ANTXRL: variants seen among roughly 807,000 people sequenced by gnomAD.
ANTXRL encodes the protein ANTXR like.
Under a neutral mutation model 75.4 loss-of-function variants are expected in ANTXRL, and 63 were observed. That is an observed-to-expected ratio of 0.84 (90% CI 0.68 to 1.03). The LOEUF (loss-of-function observed/expected upper bound fraction) is 1.03. Ranked by LOEUF, ANTXRL falls within the 50% of genes least tolerant of loss-of-function variation. The probability of loss-of-function intolerance (pLI) is 0.00; values close to 1 mark genes in which losing one functional copy is unlikely to be tolerated. For missense variants in ANTXRL, 797 were observed against 789.4 expected (o/e 1.01, Z -0.12); for synonymous variants, 335 against 291.3 (o/e 1.15, Z -1.53).
chr10:46,310,336 G>C (rs1396942814), intron 13 of ANTXRL, 125 bp from the exon 14 acceptor site: 7 of 910,066 alleles, frequency 7.7e-6, no homozygotes, highest in Non-Finnish European at 1.2e-5. Flanking sequence ...AGGGTGGCCA[G>C]AGTGACACCC....
At chr10:46,296,453 G>A (rs1469569212) in intron 5 of ANTXRL, among the ~76,000 whole-genome samples, 6 of 152,174 alleles carry the variant, frequency 3.9e-5, no homozygotes, top group Admixed American at 1.3e-4. Context: ...TGAGAACTGT[G>A]TGGGATCCTG....
rs1588879325 is a variant in ANTXRL, at chr10:46,329,536, C to A, written c.1411-63C>A. The stretch of plus-strand genomic sequence containing the variant: ...CCCATCCCTTTGAGCCAGGCAACCG[C>A]AGCCTTCTGAGCCCAGTTCGAATGC... On this transcript the variant is annotated intron_variant, in intron 16 of 16. Transcript: ENST00000620264. The A allele has an allele frequency of 3.3e-6, 5 of 1,500,918 alleles. No individual in the cohort carries two copies. The East Asian group carries it at 1.2e-4, about 37-fold the overall frequency. 93.0% of individuals were successfully genotyped at this position (1,500,918 alleles called of 1,614,324 possible).
At chr10:46,313,201 C>T (rs1554963927) in intron 15 of ANTXRL, 35 bp from the exon 16 acceptor site, 1 of 1,522,848 alleles carries the variant, frequency 6.6e-7, no homozygotes. Context: ...AGTGTCCAAG[C>T]TGCATGTCTT....
At chr10:46,325,667 C>A (rs1488888098) in intron 16 of ANTXRL, among the ~76,000 whole-genome samples, 3 of 152,162 alleles carry the variant, frequency 2.0e-5, no homozygotes, top group African/African-American at 7.2e-5. Context: ...AACAGTGTTT[C>A]TAAGCAAGTT....
chr10:46,292,377 G>A (rs1349397956), intron 2 of ANTXRL, among the ~76,000 whole-genome samples: 1 of 152,126 alleles, frequency 6.6e-6, no homozygotes, highest in Non-Finnish European at 1.5e-5. Flanking sequence ...TGCCCTTGGG[G>A]ACATCACACG....
chr10:46,301,921 C>T (rs1304284691), intron 9 of ANTXRL, among the ~76,000 whole-genome samples: 22 of 152,298 alleles, frequency 1.4e-4, no homozygotes, highest in Non-Finnish European at 2.4e-4. Flanking sequence ...TGCAGACCTG[C>T]GGGAACCCTG....
rs782531267 is a variant in ANTXRL at position 46,311,647 on chromosome 10, C to A, written c.1311C>A (p.Gly437=). The part of the protein sequence containing the change: ...IICCCGCQGV[G]GMRRIEGNLD... ...GTTGCTGTGGATGCCAAGGAGTGGG[C>A]GGGATGAGAAGGATAGAGGTGAGAA... Residue 437 remains glycine (G), a synonymous_variant, in exon 15 of 17, where the codon GGC becomes GGA. Transcript: ENST00000620264. 15 of 1,165,610 alleles carry A rather than the reference C, an allele frequency of 1.3e-5. No individual in the cohort carries two copies. Among genetic ancestry groups the A allele is most frequent in the Admixed American group, 4.0e-5 (2 of 50,442 alleles). 72.2% of individuals were successfully genotyped at this position (1,165,610 alleles called of 1,614,324 possible). A position where few individuals can be genotyped will look rare whatever the true frequency, so the allele number is the denominator to read the frequency against.
At position 46,307,959 on chromosome 10, in the gene ANTXRL, G is replaced by A. The variant is rs532753312; in HGVS notation, c.1044+479G>A. Among the ~76,000 whole-genome samples, 366 of 152,232 alleles carry A rather than the reference G, an allele frequency of 2.4e-3. 1 individual carries two copies. Among genetic ancestry groups the A allele is most frequent in the Non-Finnish European group, 4.3e-3 (294 of 68,014 alleles). ...TATGTCCCCTCCTGCTGCTGAAGGGGAGGCTCTCAGGCACTCGGACCCGAG... is the reference window on the plus strand; with the variant it reads ...TATGTCCCCTCCTGCTGCTGAAGGGAAGGCTCTCAGGCACTCGGACCCGAG... On this transcript the variant is annotated intron_variant, in intron 12 of 16. Transcript: ENST00000620264.
chr10:46,293,828 G>T lies in ANTXRL; in HGVS notation c.321-1G>T. The T allele has an allele frequency of 6.5e-7, 1 of 1,535,538 alleles. No individual in the cohort carries two copies. The highest frequency in any genetic ancestry group is 8.7e-7 in the Non-Finnish European group (1 of 1,146,550). On this transcript the variant is annotated splice_acceptor_variant, in intron 2 of 16. Transcript: ENST00000620264. LOFTEE classifies it high-confidence loss of function. ...CTCACCAGCACATGATTCCTTCACA[G>T]CCCAAATATTCGGATGTGCTTCATC...
intron 16 of ANTXRL, 127 bp downstream of exon 16, chr10:46,313,443 C>T: frequency 3.0e-6 from 3 of 994,008 alleles, no homozygotes; most frequent in Non-Finnish European, 3.0e-6. Context: ...GCACAAGACA[C>T]ACAGAAACGG....
intron 3 of ANTXRL, among the ~76,000 whole-genome samples, chr10:46,294,385 G>A (rs1352911203): frequency 9.9e-5 from 15 of 152,094 alleles, no homozygotes; most frequent in Admixed American, 7.9e-4. Flanking sequence ...GGAGCCCCTG[G>A]GTGGGGTTCT....
intron 9 of ANTXRL, among the ~76,000 whole-genome samples, chr10:46,300,352 G>A (rs185888671): frequency 5.5e-4 from 83 of 152,258 alleles, no homozygotes; most frequent in African/African-American, 1.9e-3. Context: ...TCTCCAGGGA[G>A]CCCAGGAAGG....
intron 16 of ANTXRL, among the ~76,000 whole-genome samples, chr10:46,318,688 G>A (rs1328343999): frequency 6.6e-6 from 1 of 152,128 alleles, no homozygotes; most frequent in African/African-American, 2.4e-5. Context: ...TAATTGTGGT[G>A]ATAGCCCCTG....
intron 9 of ANTXRL, among the ~76,000 whole-genome samples, chr10:46,299,088 A>G (rs1408688456): frequency 3.3e-5 from 5 of 152,082 alleles, no homozygotes; most frequent in African/African-American, 1.2e-4. Context: ...AACCCAGACC[A>G]CAGGGCAGGA....
chr10:46,308,964 TG>T lies in ANTXRL; in HGVS notation c.1045-145del. On this transcript the variant is annotated intron_variant, in intron 12 of 16. Coordinates refer to ENST00000620264, the MANE Select transcript of ANTXRL (RefSeq NM_001278688.3). ...GCCAGAGAAAGGGTCTATAGCTCTC[TG>T]GGGCCCAGCCCTGGCCGCTGGCCCC... 3.5e-6 allele frequency: 4 copies of T among 1,133,006 alleles called. No individual in the cohort carries two copies. The South Asian group carries it at 4.7e-5, about 13-fold the overall frequency. The allele number at this position is 1,133,006 out of a possible 1,614,324, so 70.2% of individuals were successfully genotyped here.
chr10:46,307,520 G>C (rs1168004485), intron 12 of ANTXRL, 40 bp downstream of exon 12: 2 of 1,492,560 alleles, frequency 1.3e-6, no homozygotes, highest in Middle Eastern at 1.7e-4. Context: ...TATGAGGACT[G>C]TCCAGAGCCT....
In ANTXRL at chr10:46,311,509, G is replaced by A. The variant is rs1200417534; in HGVS notation, c.1174-1G>A. The stretch of plus-strand genomic sequence containing the variant: ...GCAGACAGTTGTTTTTCTTTTTTTA[G>A]GAGCCAGAGCAGGAAAAACCACCAT... On this transcript the variant is annotated splice_acceptor_variant, in intron 14 of 16. Coordinates refer to ENST00000620264, the MANE Select transcript of ANTXRL (RefSeq NM_001278688.3). LOFTEE classifies it high-confidence loss of function. The A allele has an allele frequency of 1.3e-6, 2 of 1,526,160 alleles. No individual in the cohort carries two copies. The highest frequency in any genetic ancestry group is 2.8e-5 in the African/African-American group (2 of 72,360). The allele number at this position is 1,526,160 out of a possible 1,614,324, so 94.5% of individuals were successfully genotyped here. A position where few individuals can be genotyped will look rare whatever the true frequency, so the allele number is the denominator to read the frequency against.
intron 16 of ANTXRL, among the ~76,000 whole-genome samples, chr10:46,323,234 A>C (rs1159884775): frequency 6.6e-6 from 1 of 152,136 alleles, no homozygotes; most frequent in Non-Finnish European, 1.5e-5. Context: ...TTGGGTGGTA[A>C]TGGCATATCC....
chr10:46,325,968 C>T (rs530449030), intron 16 of ANTXRL, among the ~76,000 whole-genome samples: 12 of 152,218 alleles, frequency 7.9e-5, no homozygotes, highest in African/African-American at 2.2e-4. Context: ...ACCCTTGAGC[C>T]TTCACCCTTG....
Sources: allele counts gnomAD v4.1 joint callset (sites outside exome capture counted in the v4.1 genomes callset), GRCh38; gene constraint gnomAD v4.1.1; transcripts MANE v1.5; gene names NCBI Gene and HGNC (gene_info 2026-07-23, HGNC 2026-07-21).